Variants in RIPK2 observed in about 807,000 individuals in gnomAD.
RIPK2 encodes the protein receptor interacting serine/threonine kinase 2.
RIPK2 carries 38 observed loss-of-function variants against 60.9 expected under a neutral mutation model. The ratio of observed to expected loss-of-function variants is 0.62; its 90% CI spans 0.48 to 0.82. The LOEUF (loss-of-function observed/expected upper bound fraction) is 0.82. Ranked by LOEUF, RIPK2 falls within the 40% of genes least tolerant of loss-of-function variation. The pLI, the probability that RIPK2 is intolerant of heterozygous loss-of-function variation, is 0.00. For missense variants in RIPK2, 518 were observed against 647.0 expected (o/e 0.80, Z 2.16); for synonymous variants, 225 against 223.4 (o/e 1.01, Z -0.06).
At chr8:89,770,603 C>T (rs1809296713) in intron 4 of RIPK2, among the ~76,000 whole-genome samples, 2 of 151,762 alleles carry the variant, frequency 1.3e-5, no homozygotes, top group African/African-American at 4.8e-5. Flanking sequence ...CTAATGAATG[C>T]AAAAGCAGAC....
At chr8:89,768,144 A>C (rs570723481) in intron 3 of RIPK2, among the ~76,000 whole-genome samples, 2 of 151,756 alleles carry the variant, frequency 1.3e-5, no homozygotes, top group South Asian at 4.1e-4. Flanking sequence ...CTTAGTGTCA[A>C]CAAAAAACCC....
intron 6 of RIPK2, among the ~76,000 whole-genome samples, chr8:89,777,274 A>G (rs914460272): frequency 4.6e-5 from 7 of 152,258 alleles, no homozygotes; most frequent in African/African-American, 1.7e-4. Flanking sequence ...GCCTAATGGC[A>G]TGAACTTTAG....
intron 6 of RIPK2, among the ~76,000 whole-genome samples, chr8:89,773,910 A>G (rs988485791): frequency 4.6e-5 from 7 of 152,150 alleles, no homozygotes; most frequent in African/African-American, 1.7e-4. Flanking sequence ...CCACTTCGAA[A>G]GGTACTATTG....
intron 8 of RIPK2, among the ~76,000 whole-genome samples, chr8:89,785,174 A>G (rs1809564744): frequency 6.6e-6 from 1 of 152,198 alleles, no homozygotes; most frequent in Admixed American, 6.5e-5. Context: ...GATAGGTCGC[A>G]GTCAAAACAT....
In RIPK2 at chr8:89,786,673, T is replaced by A; in HGVS notation, c.1110T>A (p.Asn370Lys). The A allele has an allele frequency of 6.4e-7, 1 of 1,557,862 alleles. No individual in the cohort carries two copies. Among genetic ancestry groups the A allele is most frequent in the Non-Finnish European group, 8.8e-7 (1 of 1,138,296 alleles). ...GGTCCCTGCCAGCTCCTCAAGACAA[T>A]GATTTTTTATCTAGTATGTAGATTT... Reference protein sequence around the residue: ...TSRSLPAPQDNDFLSRKAQDC... With the variant: ...TSRSLPAPQDKDFLSRKAQDC... Residue 370 changes from asparagine to lysine, a missense_variant, in exon 9 of 11, where the codon AAT becomes AAA. Coordinates refer to ENST00000220751, the MANE Select transcript of RIPK2 (RefSeq NM_003821.6).
intron 2 of RIPK2, among the ~76,000 whole-genome samples, chr8:89,764,389 T>C (rs1300925871): frequency 1.3e-5 from 2 of 152,064 alleles, no homozygotes; most frequent in Non-Finnish European, 2.9e-5. Flanking sequence ...TTTGAACCAC[T>C]CCCCCTGCCA....
intron 6 of RIPK2, among the ~76,000 whole-genome samples, chr8:89,777,039 G>C (rs891177370): frequency 6.6e-6 from 1 of 152,194 alleles, no homozygotes; most frequent in African/African-American, 2.4e-5. Context: ...TGGACACTCA[G>C]GGTCAAGGAA....
chr8:89,788,232 C>T (rs1227599202), intron 9 of RIPK2, among the ~76,000 whole-genome samples: 3 of 151,670 alleles, frequency 2.0e-5, no homozygotes, highest in Non-Finnish European at 2.9e-5. Context: ...AATCCCAGCT[C>T]CTCAGGAGGC....
At chr8:89,771,818 C>T (rs199879054) in intron 5 of RIPK2, 28 bp downstream of exon 5, 1 of 1,416,808 alleles carries the variant, frequency 7.1e-7, no homozygotes, top group Non-Finnish European at 9.9e-7. Flanking sequence ...TTTTTATGCT[C>T]AATAACATCA....
chr8:89,777,199 C>T (rs990043672), intron 6 of RIPK2, among the ~76,000 whole-genome samples: 2 of 152,202 alleles, frequency 1.3e-5, no homozygotes, highest in African/African-American at 4.8e-5. Context: ...AGGGTGAAGT[C>T]AGTAAGCCAA....
intron 8 of RIPK2, among the ~76,000 whole-genome samples, chr8:89,784,370 T>C (rs908136354): frequency 6.6e-6 from 1 of 152,176 alleles, no homozygotes; most frequent in Non-Finnish European, 1.5e-5. Context: ...TTGTTTGACA[T>C]TGAGTTCTGT....
chr8:89,767,432 A>G (rs1809246813), intron 3 of RIPK2, among the ~76,000 whole-genome samples: 1 of 151,752 alleles, frequency 6.6e-6, no homozygotes, highest in South Asian at 2.1e-4. Context: ...GTGAGAGAAA[A>G]TAAGTGGGAA....
chr8:89,780,689 G>A (rs1276437313), intron 7 of RIPK2: 2 of 151,986 alleles, frequency 1.3e-5, no homozygotes, highest in Admixed American at 6.6e-5. Context: ...AGATGTCTGG[G>A]TTCTCGCACT....
At chr8:89,780,908 G>T (rs1267873017) in intron 7 of RIPK2, 1 of 150,036 alleles carries the variant, frequency 6.7e-6, no homozygotes, top group African/African-American at 2.4e-5. Flanking sequence ...TGATTCTTGT[G>T]GGTCGGAACA....
chr8:89,778,952 C>T (rs1231882593), intron 6 of RIPK2, among the ~76,000 whole-genome samples: 3 of 152,176 alleles, frequency 2.0e-5, no homozygotes, highest in Non-Finnish European at 4.4e-5. Flanking sequence ...ATTTTCTCCA[C>T]GTCACTGTCA....
intron 4 of RIPK2, 39 bp from the exon 5 acceptor site, chr8:89,771,702 A>G (rs1440191204): frequency 2.1e-6 from 3 of 1,418,172 alleles, no homozygotes; most frequent in South Asian, 1.2e-5. Context: ...TGCAGAGTTC[A>G]TTTAAAATAT....
In RIPK2 at chr8:89,759,526, T is replaced by C. The variant is rs541281698; in HGVS notation, c.173+1293T>C. ...GATTTTCACCTGCCTGTGGCTTTTC[T>C]TCATTGTCTCTCACTGTCAGGCTTC... On this transcript the variant is annotated intron_variant, in intron 1 of 10. Coordinates refer to ENST00000220751, the MANE Select transcript of RIPK2 (RefSeq NM_003821.6). 25 of 406,310 alleles carry C rather than the reference T, an allele frequency of 6.2e-5. No homozygotes were observed. The East Asian group carries it at 1.1e-3, about 19-fold the overall frequency. The allele number at this position is 406,310 out of a possible 1,614,324, so 25.2% of individuals were successfully genotyped here.
At position 89,779,938 on chromosome 8, in the gene RIPK2, A is replaced by G; in HGVS notation, c.854-137A>G. 3 of 581,964 alleles carry G rather than the reference A, an allele frequency of 5.2e-6. No homozygotes were observed. In the South Asian group the frequency reaches 6.1e-5, roughly 12 times the overall value. The allele number at this position is 581,964 out of a possible 1,614,324, so 36.1% of individuals were successfully genotyped here. On this transcript the variant is annotated intron_variant, in intron 6 of 10. Coordinates refer to ENST00000220751, the MANE Select transcript of RIPK2 (RefSeq NM_003821.6). The stretch of plus-strand genomic sequence containing the variant: ...GCTTATGTCTATCTTTATGTCAGTA[A>G]TAAAAGCTCGTAAAACAGCTGAATG...
At position 89,757,883 on chromosome 8, in the gene RIPK2, C is replaced by T; in HGVS notation, c.-178C>T. The T allele has an allele frequency of 1.5e-6, 2 of 1,366,728 alleles. No homozygotes were observed. Among genetic ancestry groups the T allele is most frequent in the Non-Finnish European group, 1.9e-6 (2 of 1,061,264 alleles). 84.7% of individuals were successfully genotyped at this position (1,366,728 alleles called of 1,614,324 possible). A position where few individuals can be genotyped will look rare whatever the true frequency, so the allele number is the denominator to read the frequency against. On this transcript the variant is annotated 5_prime_UTR_variant, in exon 1 of 11. Transcript: ENST00000220751. ...AGTCAGCTCTGGTTCGGAGAAGCAGCGGCTGGCGTGGGCCATCCGGGGAAT... is the reference window on the plus strand; with the variant it reads ...AGTCAGCTCTGGTTCGGAGAAGCAGTGGCTGGCGTGGGCCATCCGGGGAAT...
Sources: allele counts gnomAD v4.1 joint callset (sites outside exome capture counted in the v4.1 genomes callset), GRCh38; gene constraint gnomAD v4.1.1; transcripts MANE v1.5; gene names NCBI Gene and HGNC (gene_info 2026-07-23, HGNC 2026-07-21).